SRPK2: variants seen among roughly 807,000 people sequenced by gnomAD.
SRPK2 encodes SFRS protein kinase 2.
In SRPK2, 21 loss-of-function variants were observed where a neutral mutation model predicts 90.8. That is an observed-to-expected ratio of 0.23 (90% CI 0.16 to 0.33). SRPK2 has a LOEUF of 0.33. Ranked by LOEUF, SRPK2 falls within the 10% of genes least tolerant of loss-of-function variation. SRPK2 has a pLI of 1.00. For synonymous variants in SRPK2, 288 were observed against 311.1 expected, an observed-to-expected ratio of 0.93 and a Z score of 0.78; for missense variants, 620 against 869.0, an observed-to-expected ratio of 0.71 and a Z score of 3.60.
At chr7:105,390,451 T>C (rs1311434586), upstream of SRPK2, among the ~76,000 whole-genome samples, 1 of 152,032 alleles carries the variant, frequency 6.6e-6, no homozygotes, top group South Asian at 2.1e-4. Flanking sequence ...TATTTTGAAA[T>C]GGAGTCTCAC....
intron 2 of SRPK2, among the ~76,000 whole-genome samples, chr7:105,254,600 C>T (rs979922210): frequency 2.6e-5 from 4 of 151,814 alleles, no homozygotes; most frequent in African/African-American, 9.7e-5. Context: ...GTTTGAAAAT[C>T]ATTTCTCAGT....
intron 3 of SRPK2, among the ~76,000 whole-genome samples, chr7:105,175,121 CAG>C (rs1483227326): frequency 1.3e-5 from 2 of 149,054 alleles, no homozygotes; most frequent in African/African-American, 5.0e-5. Context: ...GCCTGGGCCA[CAG>C]AGTTAAACTC....
At chr7:105,394,913 G>A (rs917571225) in intron 1 of SRPK2, among the ~76,000 whole-genome samples, 1 of 152,212 alleles carries the variant, frequency 6.6e-6, no homozygotes, top group Non-Finnish European at 1.5e-5. Flanking sequence ...GCTTACGCCT[G>A]TAATCCCAGC....
At chr7:105,219,381 T>C (rs905693294) in intron 2 of SRPK2, among the ~76,000 whole-genome samples, 1 of 152,188 alleles carries the variant, frequency 6.6e-6, no homozygotes, top group Non-Finnish European at 1.5e-5. Context: ...GGAGACTTCT[T>C]CACTGGAGAA....
intron 2 of SRPK2, among the ~76,000 whole-genome samples, chr7:105,297,758 T>C (rs1440962792): frequency 3.7e-5 from 3 of 80,996 alleles, no homozygotes; most frequent in Non-Finnish European, 7.7e-5. Flanking sequence ...TTTTTTTTTT[T>C]TGAGACGGAG....
At chr7:105,153,599 A>T (rs1046526975) in intron 7 of SRPK2, among the ~76,000 whole-genome samples, 4 of 152,120 alleles carry the variant, frequency 2.6e-5, no homozygotes, top group Admixed American at 6.6e-5. Flanking sequence ...CTTCCCCCAA[A>T]ATTCTGAACT....
At chr7:105,311,049 T>TAA (rs1175633140) in intron 2 of SRPK2, among the ~76,000 whole-genome samples, 4 of 151,856 alleles carry the variant, frequency 2.6e-5, no homozygotes, top group Non-Finnish European at 5.9e-5. Flanking sequence ...CTAAAAACTG[T>TAA]AATAAAAGTA....
chr7:105,281,099 T>TC (rs1563187130), intron 2 of SRPK2, among the ~76,000 whole-genome samples: 1 of 151,816 alleles, frequency 6.6e-6, no homozygotes, highest in Admixed American at 6.6e-5. Context: ...GTTTGGTTTT[T>TC]CCCCCGCTTT....
rs1804056420 is a variant in SRPK2 at position 105,143,205 on chromosome 7, T to C, written c.939A>G (p.Ile313Met). ...ELEREAERKIIEENITSAAPS... is the reference protein window; with the variant it reads ...ELEREAERKIMEENITSAAPS... Reference sequence around the variant, plus strand: ...GTGCAGCTGAGGTGATGTTTTCTTCTATTATTTTCCTTTCAGCTTCTCGCT... The same window carrying C: ...GTGCAGCTGAGGTGATGTTTTCTTCCATTATTTTCCTTTCAGCTTCTCGCT... Residue 313 changes from isoleucine (I) to methionine (M), a missense_variant, in exon 10 of 16, where the codon ATA becomes ATG. Physicochemically the swap from Ile to Met is conservative, Grantham distance 10 (BLOSUM62 1). Coordinates refer to ENST00000393651, the MANE Select transcript of SRPK2 (RefSeq NM_182692.3). 6.2e-7 allele frequency: 1 copy of C among 1,614,244 alleles called. No individual in the cohort carries two copies. The highest frequency in any genetic ancestry group is 1.3e-5 in the African/African-American group (1 of 75,066).
chr7:105,205,250 C>A (rs1796049341), intron 2 of SRPK2, among the ~76,000 whole-genome samples: 1 of 152,172 alleles, frequency 6.6e-6, no homozygotes, highest in African/African-American at 2.4e-5. Flanking sequence ...CACCTGACAT[C>A]ATGAGGAAGG....
chr7:105,359,293 G>A lies in SRPK2; in HGVS notation c.71+29355C>T, dbSNP rs764833373. ...CCTGCCTCAGCCTCCCAAGTAGCTGGGATTGCAAGCGCATGCCACCATGTC... is the reference window on the plus strand; with the variant it reads ...CCTGCCTCAGCCTCCCAAGTAGCTGAGATTGCAAGCGCATGCCACCATGTC... On this transcript the variant is annotated intron_variant, in intron 2 of 15. Coordinates refer to ENST00000393651, the MANE Select transcript of SRPK2 (RefSeq NM_182692.3). Among the ~76,000 whole-genome samples the A allele has an allele frequency of 1.4e-4, 21 of 151,716 alleles. No individual in the cohort carries two copies. The Middle Eastern group carries it at 0.01, about 74-fold the overall frequency.
chr7:105,221,820 C>A (rs752820102), intron 2 of SRPK2, among the ~76,000 whole-genome samples: 1 of 152,098 alleles, frequency 6.6e-6, no homozygotes, highest in African/African-American at 2.4e-5. Flanking sequence ...TATTTTTCTT[C>A]GGATTACCAA....
chr7:105,197,774 T>C (rs1795098548), intron 3 of SRPK2, among the ~76,000 whole-genome samples: 1 of 152,220 alleles, frequency 6.6e-6, no homozygotes, highest in South Asian at 2.1e-4. Flanking sequence ...AATAAATGCA[T>C]TTCTAAGGAA....
rs528121713 is a variant in SRPK2 at position 105,282,654 on chromosome 7, T to C, written c.72-78869A>G. On this transcript the variant is annotated intron_variant, in intron 2 of 15. Coordinates refer to ENST00000393651, the MANE Select transcript of SRPK2 (RefSeq NM_182692.3). The stretch of plus-strand genomic sequence containing the variant: ...AAATACAAAAATTAGCCAGGTTTAG[T>C]GGTAAACATCTGTAATCCCAGCTAC... 2.4e-4 allele frequency among the ~76,000 whole-genome samples: 36 copies of C among 152,172 alleles called. 1 individual carries two copies. Among genetic ancestry groups the C allele is most frequent in the Admixed American group, 1.1e-3 (17 of 15,284 alleles).
chr7:105,170,783 G>GGAA (rs1192869352), intron 3 of SRPK2, among the ~76,000 whole-genome samples: 989 of 80,014 alleles, frequency 0.012, 91 homozygotes, highest in African/African-American at 0.03. Flanking sequence ...AAGGAAGGAC[G>GGAA]GGAGGGAGGG....
intron 2 of SRPK2, among the ~76,000 whole-genome samples, chr7:105,283,584 A>C (rs377590824): frequency 3.4e-4 from 52 of 151,930 alleles, no homozygotes; most frequent in African/African-American, 1.0e-3. Flanking sequence ...CAACACAGAA[A>C]GTAGATTAGT....
intron 2 of SRPK2, among the ~76,000 whole-genome samples, chr7:105,344,820 G>C (rs543532940): frequency 6.8e-6 from 1 of 147,140 alleles, no homozygotes; most frequent in South Asian, 2.2e-4. Context: ...AAGCCATTCA[G>C]GTTCACCCAC....
At chr7:105,148,314 A>AT (rs1562987904) in intron 7 of SRPK2, among the ~76,000 whole-genome samples, 1 of 152,228 alleles carries the variant, frequency 6.6e-6, no homozygotes, top group Non-Finnish European at 1.5e-5. Flanking sequence ...TAGCCTTGGT[A>AT]TCTAGACAAC....
Position 105,277,518 on chromosome 7 carries a change from T to C in SRPK2, c.72-73733A>G, listed in dbSNP as rs113703572. Among the ~76,000 whole-genome samples, 445 of 152,328 alleles carry C rather than the reference T, an allele frequency of 2.9e-3. 2 individuals carry two copies. Among genetic ancestry groups the C allele is most frequent in the African/African-American group, 0.01 (427 of 41,574 alleles). ...CAAAACTGACTGACTCATAAGTGAA[T>C]GTTCACAAAGGTGCAAGAATAAAGC... On this transcript the variant is annotated intron_variant, in intron 2 of 15. Transcript: ENST00000393651.
Sources: gnomAD v4.1 joint callset for allele counts (sites outside exome capture counted in the v4.1 genomes callset) on GRCh38, gnomAD v4.1.1 for gene constraint, MANE v1.5 for transcripts, NCBI Gene and HGNC (gene_info 2026-07-23, HGNC 2026-07-21) for gene names.